The following CAMTA1 variants were observed in gnomAD, a reference collection of about 807,000 sequenced individuals.
The protein encoded by CAMTA1 is calmodulin binding transcription activator 1, also known as calmodulin-binding transcription activator 1.
A neutral mutation model predicts 170.9 loss-of-function variants in CAMTA1; 27 were observed. That is an observed-to-expected ratio of 0.16 (90% CI 0.12 to 0.22). The LOEUF is 0.22. CAMTA1 is among the 10% of genes least tolerant of loss of function. The probability of loss-of-function intolerance (pLI) is 1.00; values close to 1 mark genes in which losing one functional copy is unlikely to be tolerated. For missense variants in CAMTA1, 1,619 were observed against 2,217.2 expected (o/e 0.73, Z 5.42); for synonymous variants, 833 against 891.5 (o/e 0.93, Z 1.17).
At chr1:6,920,543 T>C (rs376109478) in intron 3 of CAMTA1, among the ~76,000 whole-genome samples, 1 of 152,240 alleles carries the variant, frequency 6.6e-6, no homozygotes, top group Non-Finnish European at 1.5e-5. Context: ...AGTGCCCCAG[T>C]AGGGACTCTG....
intron 3 of CAMTA1, among the ~76,000 whole-genome samples, chr1:6,999,661 C>T (rs1047093843): frequency 1.3e-5 from 2 of 152,094 alleles, no homozygotes; most frequent in South Asian, 2.1e-4. Context: ...AGGATTATAC[C>T]GTACCCGGCC....
chr1:7,336,629 T>A (rs2083398528), intron 5 of CAMTA1, among the ~76,000 whole-genome samples: 1 of 152,166 alleles, frequency 6.6e-6, no homozygotes, highest in Admixed American at 6.5e-5. Flanking sequence ...TTGGGACTGT[T>A]GAGCAGGTGC....
chr1:7,069,979 C>G (rs578165064), intron 3 of CAMTA1, among the ~76,000 whole-genome samples: 1 of 152,240 alleles, frequency 6.6e-6, no homozygotes, highest in Non-Finnish European at 1.5e-5. Context: ...GCCTGCTACT[C>G]CTTGCCGCGG....
intron 3 of CAMTA1, among the ~76,000 whole-genome samples, chr1:6,926,740 T>C (rs918281539): frequency 2.0e-5 from 3 of 150,590 alleles, no homozygotes; most frequent in African/African-American, 4.9e-5. Flanking sequence ...TTCTTTCTTT[T>C]TTTTTTTTGA....
chr1:7,061,187 GT>G (rs1360051615), intron 3 of CAMTA1, among the ~76,000 whole-genome samples: 4 of 152,210 alleles, frequency 2.6e-5, no homozygotes, highest in African/African-American at 9.6e-5. Flanking sequence ...GTTTGGTTCG[GT>G]TTGACAAATG....
Position 6,798,769 on chromosome 1 carries a change from T to TGTATTTTTA in CAMTA1, c.45+13198_45+13206dup, listed in dbSNP as rs751115782. On this transcript the variant is annotated intron_variant, in intron 1 of 22. Coordinates refer to ENST00000303635, the MANE Select transcript of CAMTA1 (RefSeq NM_015215.4). ...CCGCCACCGCGCCCGGCTAATTTTT[T>TGTATTTTTA]GTATTTTTAGTAGAGACGGGGTTTC... is the stretch of plus-strand genomic sequence containing the variant. Among the ~76,000 whole-genome samples the TGTATTTTTA allele has an allele frequency of 2.2e-3, 314 of 144,424 alleles. 10 individuals carry two copies. The highest frequency in any genetic ancestry group is 3.5e-3 in the Middle Eastern group (1 of 284). The allele number at this position is 144,424 out of a possible 152,430, so 94.7% of individuals were successfully genotyped here.
chr1:7,703,045 G>A (rs2096459549), intron 11 of CAMTA1, among the ~76,000 whole-genome samples: 1 of 152,158 alleles, frequency 6.6e-6, no homozygotes, highest in South Asian at 2.1e-4. Context: ...TTGGTTTCCC[G>A]AGCCTATGTG....
At chr1:6,878,363 G>T (rs1557749889) in intron 3 of CAMTA1, among the ~76,000 whole-genome samples, 2 of 152,234 alleles carry the variant, frequency 1.3e-5, no homozygotes, top group Non-Finnish European at 2.9e-5. Flanking sequence ...CCAGCTCGTA[G>T]ATCACAAGAC....
intron 6 of CAMTA1, among the ~76,000 whole-genome samples, chr1:7,472,524 G>A (rs1575503322): frequency 1.3e-5 from 2 of 152,052 alleles, no homozygotes; most frequent in East Asian, 3.9e-4. Flanking sequence ...GGCAACCATC[G>A]CTGCCCTCCG....
intron 5 of CAMTA1, among the ~76,000 whole-genome samples, chr1:7,417,764 A>G (rs2091288955): frequency 1.3e-5 from 2 of 152,086 alleles, no homozygotes; most frequent in South Asian, 4.1e-4. Flanking sequence ...GCTCACACAC[A>G]GTGTGCCGCA....
chr1:7,692,848 TC>T (rs772120311), intron 11 of CAMTA1, among the ~76,000 whole-genome samples: 1 of 151,798 alleles, frequency 6.6e-6, no homozygotes, highest in South Asian at 2.1e-4. Flanking sequence ...CAACCAGGCA[TC>T]CCCCCACCCC....
chr1:7,276,303 A>ATATATATATATTTTT, intron 5 of CAMTA1, among the ~76,000 whole-genome samples: 2 of 24,232 alleles, frequency 8.3e-5, no homozygotes, highest in Non-Finnish European at 1.2e-4. Context: ...ATATATATAT[A>ATATATATATATTTTT]TTTTTTTTTT....
intron 6 of CAMTA1, among the ~76,000 whole-genome samples, chr1:7,545,418 G>C (rs1196475670): frequency 6.6e-6 from 1 of 152,202 alleles, no homozygotes; most frequent in Non-Finnish European, 1.5e-5. Context: ...TTTACCGATT[G>C]TTCCAATGAT....
chr1:6,905,032 C>T (rs1030552690), intron 3 of CAMTA1, among the ~76,000 whole-genome samples: 67 of 151,976 alleles, frequency 4.4e-4, no homozygotes, highest in African/African-American at 1.5e-3. Context: ...CTCTGGGGTC[C>T]GCTCTGTTGC....
At chr1:7,011,153 C>A (rs1262965318) in intron 3 of CAMTA1, among the ~76,000 whole-genome samples, 1 of 152,220 alleles carries the variant, frequency 6.6e-6, no homozygotes, top group African/African-American at 2.4e-5. Context: ...CTGGTCTTCG[C>A]ATTGGGTTGA....
chr1:6,927,797 G>A (rs1305415323), intron 3 of CAMTA1, among the ~76,000 whole-genome samples: 1 of 152,248 alleles, frequency 6.6e-6, no homozygotes, highest in Non-Finnish European at 1.5e-5. Context: ...CAGGTCTCCT[G>A]TGAGTTAGCA....
At chr1:6,857,341 C>T (rs923548157) in intron 3 of CAMTA1, among the ~76,000 whole-genome samples, 3 of 152,178 alleles carry the variant, frequency 2.0e-5, no homozygotes, top group Non-Finnish European at 2.9e-5. Flanking sequence ...TGGCTTAAGT[C>T]ATTACATGGC....
At chr1:7,000,204 G>T (rs1042560587) in intron 3 of CAMTA1, among the ~76,000 whole-genome samples, 3 of 152,230 alleles carry the variant, frequency 2.0e-5, no homozygotes, top group African/African-American at 7.2e-5. Flanking sequence ...CTTGCAGCCT[G>T]CTCACCCTGG....
intron 6 of CAMTA1, among the ~76,000 whole-genome samples, chr1:7,623,768 G>T (rs886719152): frequency 7.2e-5 from 11 of 152,196 alleles, no homozygotes; most frequent in African/African-American, 2.7e-4. Flanking sequence ...GAGGTGCTGG[G>T]ATTACAGAAG....
Sources: allele counts gnomAD v4.1 joint callset (sites outside exome capture counted in the v4.1 genomes callset), GRCh38; gene constraint gnomAD v4.1.1; transcripts MANE v1.5; gene names NCBI Gene and HGNC (gene_info 2026-07-23, HGNC 2026-07-21).